Variants in ASCC3 observed in about 807,000 individuals in gnomAD.
ASCC3 encodes the protein activating signal cointegrator 1 complex subunit 3, also known as ASC-1 complex subunit P200.
Under a neutral mutation model 256.3 loss-of-function variants are expected in ASCC3, and 158 were observed. The ratio of observed to expected loss-of-function variants is 0.62; its 90% CI spans 0.54 to 0.70. The LOEUF (loss-of-function observed/expected upper bound fraction) is 0.70, where lower values mean the gene tolerates loss of function less well. Among genes scored for constraint, ASCC3 ranks in the 30% least tolerant of loss-of-function variants. ASCC3 has a pLI of 0.00. For missense variants in ASCC3, 2,259 were observed against 2,626.0 expected, an observed-to-expected ratio of 0.86 and a Z score of 3.05; for synonymous variants, 948 against 883.4, an observed-to-expected ratio of 1.07 and a Z score of -1.30.
chr6:100,877,300 A>C (rs769214325), intron 1 of ASCC3, among the ~76,000 whole-genome samples: 34 of 152,308 alleles, frequency 2.2e-4, no homozygotes, highest in Non-Finnish European at 4.1e-4. Context: ...ACTGACATGA[A>C]GGAGTAGGTT....
In ASCC3 at chr6:100,607,092, C is replaced by T. The variant is rs749831590; in HGVS notation, c.4786-4G>A. The stretch of plus-strand genomic sequence containing the variant: ...CTGTTGCAATGATGTTCTCCATCTG[C>T]AAGTAAAAACAAAATTACAAGATGT... On this transcript the variant is annotated splice_polypyrimidine_tract_variant and splice_region_variant and intron_variant, in intron 30 of 41. Coordinates refer to ENST00000369162, the MANE Select transcript of ASCC3 (RefSeq NM_006828.4). 1.2e-6 allele frequency: 2 copies of T among 1,613,052 alleles called. No homozygotes were observed. The highest frequency in any genetic ancestry group is 2.2e-5 in the South Asian group (2 of 91,016).
At chr6:100,569,585 C>T (rs1007855483) in intron 36 of ASCC3, among the ~76,000 whole-genome samples, 19 of 152,020 alleles carry the variant, frequency 1.2e-4, no homozygotes, top group East Asian at 3.9e-4. Flanking sequence ...GGGGTTTCAC[C>T]GTGTTAGCCA....
intron 10 of ASCC3, among the ~76,000 whole-genome samples, chr6:100,747,414 G>A (rs557626432): frequency 3.9e-5 from 6 of 152,100 alleles, no homozygotes; most frequent in African/African-American, 1.4e-4. Context: ...GAATGCATGC[G>A]TCCATACAAA....
At chr6:100,771,251 T>C (rs151205631) in intron 8 of ASCC3, among the ~76,000 whole-genome samples, 2 of 152,222 alleles carry the variant, frequency 1.3e-5, no homozygotes, top group Admixed American at 1.3e-4. Context: ...CTTGAAACCA[T>C]ACCTTGTGTC....
At chr6:100,734,905 T>C (rs964931281) in intron 10 of ASCC3, among the ~76,000 whole-genome samples, 6 of 152,208 alleles carry the variant, frequency 3.9e-5, no homozygotes, top group African/African-American at 1.4e-4. Context: ...TTACTTCTTG[T>C]AGATAATATA....
intron 4 of ASCC3, among the ~76,000 whole-genome samples, chr6:100,812,477 G>A (rs1770520172): frequency 6.6e-6 from 1 of 151,428 alleles, no homozygotes; most frequent in Non-Finnish European, 1.5e-5. Context: ...AATGAAATAG[G>A]AAACTGAGAT....
chr6:100,811,153 T>C (rs1042571161), intron 4 of ASCC3, among the ~76,000 whole-genome samples: 19 of 152,304 alleles, frequency 1.2e-4, no homozygotes, highest in African/African-American at 4.3e-4. Flanking sequence ...TGGAAATGAA[T>C]GATAGGCCCA....
In ASCC3 at chr6:100,664,129, G is replaced by A. The variant is rs544161926; in HGVS notation, c.2287-1593C>T. Among the ~76,000 whole-genome samples, 4 of 152,210 alleles carry A rather than the reference G, an allele frequency of 2.6e-5. No homozygotes were observed. The South Asian group carries it at 8.3e-4, about 32-fold the overall frequency. ...ACCTTAGATTAACATTTAAAGAAAT[G>A]TTTATATAGTTAAAGCTTCTGTTTG... On this transcript the variant is annotated intron_variant, in intron 14 of 41. Transcript: ENST00000369162.
intron 13 of ASCC3, among the ~76,000 whole-genome samples, chr6:100,713,106 G>C (rs182329934): frequency 6.6e-6 from 1 of 151,792 alleles, no homozygotes; most frequent in Non-Finnish European, 1.5e-5. Context: ...ACTTACGTCC[G>C]GACAAAAACC....
At position 100,800,332 on chromosome 6, in the gene ASCC3, C is replaced by A. The variant is rs1465545836; in HGVS notation, c.1095G>T (p.Met365Ile). 1.2e-6 allele frequency: 2 copies of A among 1,612,830 alleles called. No individual in the cohort carries two copies. Among genetic ancestry groups the A allele is most frequent in the Non-Finnish European group, 1.7e-6 (2 of 1,179,278 alleles). ...TCCGCAATTCCTTAGGATCAAAGCA[C>A]ATAAGTCCTTCTGAAACTTCTAAAT... ...GEDLEVSEGL[M>I]CFDPKELRIQ... Residue 365 changes from methionine (M) to isoleucine (I), a missense_variant, in exon 6 of 42, where the codon ATG becomes ATT. Around this residue, in one of 2 missense-constraint regions of ASCC3, gnomAD observed 420 missense variants for 419.3 expected, o/e 1.00. Coordinates refer to ENST00000369162, the MANE Select transcript of ASCC3 (RefSeq NM_006828.4).
At chr6:100,810,139 C>T (rs2114381488) in intron 4 of ASCC3, among the ~76,000 whole-genome samples, 1 of 152,208 alleles carries the variant, frequency 6.6e-6, no homozygotes, top group South Asian at 2.1e-4. Flanking sequence ...CTTGCTTTCC[C>T]CAACTCATAA....
intron 10 of ASCC3, among the ~76,000 whole-genome samples, chr6:100,733,519 G>A (rs1780007164): frequency 6.6e-6 from 1 of 152,128 alleles, no homozygotes. Flanking sequence ...CCACTTAGCT[G>A]AAGCAGCCTG....
chr6:100,570,239 T>C (rs543118180), intron 36 of ASCC3, among the ~76,000 whole-genome samples: 2 of 152,330 alleles, frequency 1.3e-5, no homozygotes, highest in South Asian at 4.1e-4. Context: ...AGAGATAGTT[T>C]GACTTCTTCT....
chr6:100,540,449 G>C, intron 36 of ASCC3, 62 bp from the exon 37 acceptor site: 1 of 1,346,402 alleles, frequency 7.4e-7, no homozygotes, highest in Non-Finnish European at 1.0e-6. Flanking sequence ...GTACTTCTTA[G>C]CTTTACTGAC....
chr6:100,737,653 A>G (rs1361631978), intron 10 of ASCC3, among the ~76,000 whole-genome samples: 1 of 152,120 alleles, frequency 6.6e-6, no homozygotes, highest in Non-Finnish European at 1.5e-5. Context: ...GGTTGATTCC[A>G]TATCTTTGCT....
chr6:100,677,222 A>T (rs1777069579), intron 14 of ASCC3, among the ~76,000 whole-genome samples: 1 of 152,134 alleles, frequency 6.6e-6, no homozygotes, highest in South Asian at 2.1e-4. Flanking sequence ...ATATTGAGAA[A>T]GATGACCTTA....
intron 37 of ASCC3, among the ~76,000 whole-genome samples, chr6:100,538,975 C>T (rs1273404638): frequency 6.6e-6 from 1 of 152,098 alleles, no homozygotes; most frequent in East Asian, 1.9e-4. Context: ...GCTCTTCTGA[C>T]AATCATCCCC....
intron 11 of ASCC3, among the ~76,000 whole-genome samples, chr6:100,718,667 G>A (rs1464134228): frequency 1.3e-5 from 2 of 152,024 alleles, no homozygotes; most frequent in African/African-American, 4.8e-5. Flanking sequence ...GGCTGAGGTG[G>A]GAGGATCACT....
At chr6:100,745,288 T>A (rs1003163637) in intron 10 of ASCC3, among the ~76,000 whole-genome samples, 1 of 151,696 alleles carries the variant, frequency 6.6e-6, no homozygotes, top group Admixed American at 6.6e-5. Flanking sequence ...GATTGCACCA[T>A]TGCACTCCAG....
Sources: allele counts gnomAD v4.1 joint callset (sites outside exome capture counted in the v4.1 genomes callset), GRCh38; gene constraint gnomAD v4.1.1; regional missense constraint gnomAD v4.1.1; transcripts MANE v1.5; gene names NCBI Gene and HGNC (gene_info 2026-07-23, HGNC 2026-07-21).